The following KDM4B variants were observed in gnomAD, a reference collection of about 807,000 sequenced individuals.
The protein encoded by KDM4B is lysine demethylase 4B.
KDM4B carries 32 observed loss-of-function variants against 125.2 expected under a neutral mutation model. The ratio of observed to expected loss-of-function variants is 0.26; its 90% CI spans 0.19 to 0.34. KDM4B has a LOEUF of 0.34. KDM4B is among the 10% of genes least tolerant of loss of function. The pLI is 1.00. For synonymous variants in KDM4B, 721 were observed against 677.9 expected (o/e 1.06, Z -0.99); for missense variants, 1,190 against 1,577.7 (o/e 0.75, Z 4.16).
intron 1 of KDM4B, among the ~76,000 whole-genome samples, chr19:4,986,233 C>G (rs1020505193): frequency 2.6e-5 from 4 of 152,206 alleles, no homozygotes; most frequent in Non-Finnish European, 5.9e-5. Context: ...CTTCACGAGC[C>G]ACATTCGGGG....
At chr19:4,970,180 C>T (rs759360326) in intron 1 of KDM4B, among the ~76,000 whole-genome samples, 4 of 152,176 alleles carry the variant, frequency 2.6e-5, no homozygotes, top group Admixed American at 2.6e-4. Context: ...CACCTGGGCA[C>T]GGTGGAAGGT....
At chr19:5,076,823 T>A (rs2038130761) in intron 7 of KDM4B, 1 of 161,482 alleles carries the variant, frequency 6.2e-6, no homozygotes, top group African/African-American at 2.4e-5. Context: ...TCATGTTGTC[T>A]CGTTGACCGA....
chr19:5,134,548 C>T (rs1010989403), intron 14 of KDM4B, among the ~76,000 whole-genome samples: 13 of 152,202 alleles, frequency 8.5e-5, no homozygotes, highest in African/African-American at 2.7e-4. Flanking sequence ...CCTCTGCCCA[C>T]GGCCATCCCA....
intron 18 of KDM4B, among the ~76,000 whole-genome samples, chr19:5,143,736 G>A (rs1276245049): frequency 6.6e-6 from 1 of 152,202 alleles, no homozygotes; most frequent in Non-Finnish European, 1.5e-5. Context: ...GGGGGGATGG[G>A]AGAGGACTCC....
At chr19:5,132,417 G>C (rs930408779) in intron 13 of KDM4B, among the ~76,000 whole-genome samples, 1 of 152,216 alleles carries the variant, frequency 6.6e-6, no homozygotes, top group African/African-American at 2.4e-5. Context: ...GAGAGCTGCT[G>C]TCTTGTGTGC....
intron 6 of KDM4B, among the ~76,000 whole-genome samples, chr19:5,063,828 C>G (rs917091104): frequency 1.1e-4 from 17 of 152,378 alleles, no homozygotes; most frequent in Admixed American, 7.8e-4. Context: ...GGCCACCACA[C>G]AGACCTGTGT....
rs559760252 is a variant in KDM4B, at chr19:5,145,017, G to C, written c.3021+115G>C. 7.1e-6 allele frequency: 10 copies of C among 1,406,960 alleles called. No individual in the cohort carries two copies. The South Asian group carries it at 1.1e-4, about 16-fold the overall frequency. 87.2% of individuals were successfully genotyped at this position (1,406,960 alleles called of 1,614,324 possible). Reference sequence around the variant, plus strand: ...GCCTTTGCCTGGGGCACTGGCGGGTGTGGGCCATGGTTAGTGAGGCCCGCA... The same window carrying C: ...GCCTTTGCCTGGGGCACTGGCGGGTCTGGGCCATGGTTAGTGAGGCCCGCA... On this transcript the variant is annotated intron_variant, in intron 21 of 22. Coordinates refer to ENST00000159111, the MANE Select transcript of KDM4B (RefSeq NM_015015.3).
At chr19:5,032,561 C>A (rs1386883512) in intron 2 of KDM4B, among the ~76,000 whole-genome samples, 2 of 152,230 alleles carry the variant, frequency 1.3e-5, no homozygotes, top group Admixed American at 6.5e-5. Context: ...GTCCCTGATA[C>A]GTAAACCTTT....
At chr19:5,116,264 T>G (rs1296533475) in intron 10 of KDM4B, among the ~76,000 whole-genome samples, 1 of 95,030 alleles carries the variant, frequency 1.1e-5, no homozygotes, top group Non-Finnish European at 2.3e-5. Flanking sequence ...AAAAAAAAAA[T>G]TATAAAGAAT....
At chr19:5,006,685 A>ACC (rs1206709894) in intron 1 of KDM4B, among the ~76,000 whole-genome samples, 6 of 151,838 alleles carry the variant, frequency 4.0e-5, no homozygotes, top group Non-Finnish European at 7.4e-5. Flanking sequence ...AGGCGGGAGA[A>ACC]TTGCTTGAAC....
chr19:5,096,705 T>C (rs2038832230), intron 9 of KDM4B, among the ~76,000 whole-genome samples: 1 of 143,934 alleles, frequency 6.9e-6, no homozygotes, highest in Non-Finnish European at 1.5e-5. Flanking sequence ...TGGCGCGTGT[T>C]GCCATGGCGC....
At chr19:5,056,815 G>A (rs1446048685) in intron 6 of KDM4B, among the ~76,000 whole-genome samples, 1 of 151,904 alleles carries the variant, frequency 6.6e-6, no homozygotes, top group Non-Finnish European at 1.5e-5. Flanking sequence ...GCCCTGGGGC[G>A]GGGAGTCCTG....
At position 5,142,330 on chromosome 19, in the gene KDM4B, G is replaced by A. The variant is rs766140016; in HGVS notation, c.2551-1637G>A. Among the ~76,000 whole-genome samples the A allele has an allele frequency of 6.6e-6, 1 of 152,192 alleles. No homozygotes were observed. Among genetic ancestry groups the A allele is most frequent in the Non-Finnish European group, 1.5e-5 (1 of 68,018 alleles). On this transcript the variant is annotated intron_variant, in intron 18 of 22. Transcript: ENST00000159111. This position sits in a 1 kb window ranked among gnomAD's most constrained non-coding sequence, Gnocchi z 5.4. ...TCCCAGGAAGGGAGGTGACGGCCAA[G>A]AACGCCTGCCCGACCTCCTGTGGCC...
chr19:5,053,093 C>A (rs548650121), intron 6 of KDM4B, among the ~76,000 whole-genome samples: 1 of 152,234 alleles, frequency 6.6e-6, no homozygotes, highest in East Asian at 1.9e-4. Context: ...ATGGAAATTG[C>A]CTGGAGCCTG....
At chr19:5,001,312 C>T (rs541578481) in intron 1 of KDM4B, among the ~76,000 whole-genome samples, 54 of 152,278 alleles carry the variant, frequency 3.5e-4, no homozygotes, top group Non-Finnish European at 6.8e-4. Flanking sequence ...GTGTGAGCCA[C>T]GGCGCCTGGC....
At chr19:5,030,612 C>T (rs986693317) in intron 2 of KDM4B, among the ~76,000 whole-genome samples, 2 of 152,208 alleles carry the variant, frequency 1.3e-5, no homozygotes, top group Admixed American at 1.3e-4. Context: ...GCTGGGTGCA[C>T]GAGGGTCCCA....
intron 6 of KDM4B, among the ~76,000 whole-genome samples, 157 bp downstream of exon 6, chr19:5,047,826 G>A (rs2037076433): frequency 6.6e-6 from 1 of 152,184 alleles, no homozygotes; most frequent in Non-Finnish European, 1.5e-5. Context: ...ACCGCCTGGG[G>A]TCACCCACCA....
intron 6 of KDM4B, among the ~76,000 whole-genome samples, chr19:5,068,378 C>T (rs1252685577): frequency 6.6e-6 from 1 of 152,214 alleles, no homozygotes; most frequent in East Asian, 1.9e-4. Context: ...TTCAGGACAT[C>T]CGGAGAGCCT....
chr19:5,134,286 T>C (rs1245139933), intron 14 of KDM4B, among the ~76,000 whole-genome samples: 1 of 152,010 alleles, frequency 6.6e-6, no homozygotes, highest in East Asian at 1.9e-4. Flanking sequence ...TGAGCCATGG[T>C]GGATGGGGCA....
Sources: allele counts gnomAD v4.1 joint callset (sites outside exome capture counted in the v4.1 genomes callset), GRCh38; gene constraint gnomAD v4.1.1; non-coding constraint Gnocchi (gnomAD v3.1); transcripts MANE v1.5; gene names NCBI Gene and HGNC (gene_info 2026-07-23, HGNC 2026-07-21).